Variants in MAGI1 observed in about 807,000 individuals in gnomAD.
The protein encoded by MAGI1 is membrane-associated guanylate kinase, WW and PDZ domain-containing protein 1.
In MAGI1, 58 loss-of-function variants were observed where a neutral mutation model predicts 139.9. That is an observed-to-expected ratio of 0.41 (90% CI 0.34 to 0.52). MAGI1 has a LOEUF of 0.52. Ranked by LOEUF, MAGI1 falls within the 20% of genes least tolerant of loss-of-function variation. The pLI, the probability that MAGI1 is intolerant of heterozygous loss-of-function variation, is 0.12. For synonymous variants in MAGI1, 812 were observed against 737.9 expected (o/e 1.10, Z -1.63); for missense variants, 1,874 against 1,901.6 (o/e 0.99, Z 0.27).
At chr3:65,918,750 G>A (rs264692) in intron 1 of MAGI1, among the ~76,000 whole-genome samples, 113,552 of 151,938 alleles carry the variant, frequency 0.75, 43,193 homozygotes, top group East Asian at 0.94. Context: ...TGGTGACTAC[G>A]CAGGTCAGCT....
At chr3:65,561,456 C>A (rs2080342343) in intron 2 of MAGI1, among the ~76,000 whole-genome samples, 1 of 151,974 alleles carries the variant, frequency 6.6e-6, no homozygotes, top group Admixed American at 6.5e-5. Flanking sequence ...ACACAAGAAG[C>A]AAAATTCAAG....
chr3:65,746,493 C>T (rs2035720976), intron 1 of MAGI1, among the ~76,000 whole-genome samples: 1 of 152,176 alleles, frequency 6.6e-6, no homozygotes, highest in East Asian at 1.9e-4. Flanking sequence ...ATAACTATAT[C>T]ATTGACAGTA....
At chr3:65,991,714 A>G (rs1373854333) in intron 1 of MAGI1, among the ~76,000 whole-genome samples, 2 of 152,140 alleles carry the variant, frequency 1.3e-5, no homozygotes, top group African/African-American at 4.8e-5. Flanking sequence ...CGGTGGTATC[A>G]GTTTAAAAAA....
chr3:65,375,454 T>G (rs1159352791), intron 18 of MAGI1, among the ~76,000 whole-genome samples: 1 of 152,216 alleles, frequency 6.6e-6, no homozygotes, highest in African/African-American at 2.4e-5. Context: ...CCCAAAGTGC[T>G]GGGATTACAG....
chr3:65,423,997 A>G (rs11709870), intron 12 of MAGI1, among the ~76,000 whole-genome samples: 48,005 of 152,202 alleles, frequency 0.32, 10,156 homozygotes, highest in Non-Finnish European at 0.46. Flanking sequence ...GCTAACAATC[A>G]CTGCCTTCAT....
intron 1 of MAGI1, among the ~76,000 whole-genome samples, chr3:65,855,225 A>G (rs1457177058): frequency 6.6e-6 from 1 of 151,544 alleles, no homozygotes; most frequent in Non-Finnish European, 1.5e-5. Flanking sequence ...CACAAGAGAA[A>G]AAAAGGCCTG....
At chr3:65,947,852 A>G (rs953294037) in intron 1 of MAGI1, among the ~76,000 whole-genome samples, 1 of 152,008 alleles carries the variant, frequency 6.6e-6, no homozygotes, top group African/African-American at 2.4e-5. Context: ...CCTGAGCTCA[A>G]GCAATCTTCC....
At chr3:65,520,570 G>A (rs1039225605) in intron 2 of MAGI1, among the ~76,000 whole-genome samples, 2 of 152,102 alleles carry the variant, frequency 1.3e-5, no homozygotes, top group Non-Finnish European at 2.9e-5. Flanking sequence ...GACACTTAAT[G>A]AGTACTCAAA....
chr3:65,400,431 G>A (rs1001400711), intron 13 of MAGI1, among the ~76,000 whole-genome samples: 5 of 152,076 alleles, frequency 3.3e-5, no homozygotes, highest in African/African-American at 7.2e-5. Context: ...GCCGTAAGCC[G>A]CAAAGTTTTC....
intron 2 of MAGI1, among the ~76,000 whole-genome samples, chr3:65,608,015 C>T (rs2082840182): frequency 6.6e-6 from 1 of 152,248 alleles, no homozygotes; most frequent in Non-Finnish European, 1.5e-5. Flanking sequence ...AAGCAGGTAT[C>T]ATTAGCCCCA....
chr3:65,554,917 C>T (rs1182534994), intron 2 of MAGI1, among the ~76,000 whole-genome samples: 1 of 152,166 alleles, frequency 6.6e-6, no homozygotes, highest in Admixed American at 6.5e-5. Context: ...ACAAAAAGGA[C>T]ATTAGTGGAG....
chr3:65,638,596 G>GTTTTT (rs1559744594), intron 1 of MAGI1, among the ~76,000 whole-genome samples: 6 of 69,166 alleles, frequency 8.7e-5, no homozygotes, highest in Non-Finnish European at 1.5e-4. Flanking sequence ...ATGCTCTCCT[G>GTTTTT]ATTTTTTTTT....
chr3:65,951,818 T>C (rs1420067752), intron 1 of MAGI1, among the ~76,000 whole-genome samples: 3 of 152,220 alleles, frequency 2.0e-5, no homozygotes, highest in African/African-American at 7.2e-5. Context: ...ATAATGTTTA[T>C]AAATGAATAA....
At chr3:65,602,790 T>G (rs1217318700) in intron 2 of MAGI1, among the ~76,000 whole-genome samples, 1 of 151,540 alleles carries the variant, frequency 6.6e-6, no homozygotes, top group Non-Finnish European at 1.5e-5. Flanking sequence ...AAGGAAAAAA[T>G]AGAGACAAAA....
At chr3:65,957,022 G>T (rs1037003213) in intron 1 of MAGI1, among the ~76,000 whole-genome samples, 1 of 151,824 alleles carries the variant, frequency 6.6e-6, no homozygotes, top group Non-Finnish European at 1.5e-5. Context: ...ATGTTATTGG[G>T]ATTAGAAAAA....
chr3:65,940,066 A>G (rs939886045), intron 1 of MAGI1, among the ~76,000 whole-genome samples: 3 of 152,204 alleles, frequency 2.0e-5, no homozygotes, highest in East Asian at 3.8e-4. Context: ...CAGAATTTCT[A>G]CATCACTGGC....
At chr3:65,707,559 G>T (rs150622890) in intron 1 of MAGI1, among the ~76,000 whole-genome samples, 1 of 152,100 alleles carries the variant, frequency 6.6e-6, no homozygotes, top group Non-Finnish European at 1.5e-5. Flanking sequence ...GCATGGTTGT[G>T]CGTGCCTGTA....
At chr3:65,686,495 G>A (rs768323522) in intron 1 of MAGI1, among the ~76,000 whole-genome samples, 7 of 152,122 alleles carry the variant, frequency 4.6e-5, no homozygotes, top group Non-Finnish European at 8.8e-5. Flanking sequence ...TTTTCACCGT[G>A]TTAGCCAGGA....
intron 1 of MAGI1, among the ~76,000 whole-genome samples, chr3:65,998,663 T>C (rs723234): frequency 0.4 from 61,564 of 152,054 alleles, 14,625 homozygotes; most frequent in East Asian, 0.62. Context: ...TTGTAGATTA[T>C]ACTCTGAAAC....
Sources: allele counts gnomAD v4.1 joint callset (sites outside exome capture counted in the v4.1 genomes callset), GRCh38; gene constraint gnomAD v4.1.1; transcripts MANE v1.5; gene names NCBI Gene and HGNC (gene_info 2026-07-23, HGNC 2026-07-21).